FAM193A: variants seen among roughly 807,000 people sequenced by gnomAD.
The protein encoded by FAM193A is family with sequence similarity 193 member A, also known as protein FAM193A.
Under a neutral mutation model 126.5 loss-of-function variants are expected in FAM193A, and 22 were observed. The ratio of observed to expected loss-of-function variants is 0.17; its 90% CI spans 0.12 to 0.25. The LOEUF (loss-of-function observed/expected upper bound fraction) is 0.25. Among genes scored for constraint, FAM193A ranks in the 10% least tolerant of loss-of-function variants. FAM193A has a pLI of 1.00. For missense variants in FAM193A, 1,675 were observed against 1,672.8 expected (o/e 1.00, Z -0.02); for synonymous variants, 761 against 646.8 (o/e 1.18, Z -2.68).
At position 2,646,940 on chromosome 4, in the gene FAM193A, G is replaced by A. The variant is rs1432116540; in HGVS notation, c.1311+108G>A. The A allele has an allele frequency of 3.4e-5, 42 of 1,245,290 alleles. 1 individual carries two copies. In the South Asian group the frequency reaches 4.9e-4, roughly 15 times the overall value. 77.1% of individuals were successfully genotyped at this position (1,245,290 alleles called of 1,614,324 possible). On this transcript the variant is annotated intron_variant, in intron 7 of 20. Coordinates refer to ENST00000637812, the MANE Select transcript of FAM193A (RefSeq NM_001366318.2). ...CCTGAGCTGCAAGCCAGGAATTCCCGACTGAGGCCCAGAGGCGCATGTGGG... is the reference window on the plus strand; with the variant it reads ...CCTGAGCTGCAAGCCAGGAATTCCCAACTGAGGCCCAGAGGCGCATGTGGG...
At chr4:2,539,614 C>T (rs906526006) in intron 1 of FAM193A, among the ~76,000 whole-genome samples, 1 of 151,820 alleles carries the variant, frequency 6.6e-6, no homozygotes, top group East Asian at 1.9e-4. Flanking sequence ...ACTATGTTAC[C>T]CAGGCTTGTC....
intron 6 of FAM193A, among the ~76,000 whole-genome samples, chr4:2,642,150 A>AAAG (rs1281616647): frequency 3.4e-5 from 5 of 149,242 alleles, no homozygotes; most frequent in African/African-American, 1.3e-4. Flanking sequence ...AAAAAAAAAA[A>AAAG]AAAATTAGCT....
intron 1 of FAM193A, among the ~76,000 whole-genome samples, chr4:2,548,174 T>C (rs1179110555): frequency 2.7e-5 from 4 of 148,908 alleles, no homozygotes; most frequent in African/African-American, 9.9e-5. Context: ...TGGGTTCAAG[T>C]GATTCTCCTG....
Position 2,693,598 on chromosome 4 carries a change from A to G in FAM193A, c.2816A>G (p.His939Arg), listed in dbSNP as rs772794363. The G allele has an allele frequency of 1.2e-6, 2 of 1,610,210 alleles. No individual in the cohort carries two copies. The highest frequency in any genetic ancestry group is 1.3e-5 in the African/African-American group (1 of 74,972). ...KRPPSVGDVF[H>R]GISKEDHRHS... ...TCTCTAAATGCAGGTGACGTGTTTC[A>G]TGGCATCAGCAAGGAGGACCACAGA... is the stretch of plus-strand genomic sequence containing the variant. The change falls in exon 16 of 21, where the codon CAT becomes CGT. Residue 939 changes from histidine to arginine, a missense_variant. Transcript: ENST00000637812.
At chr4:2,630,249 G>T (rs1743425133) in intron 4 of FAM193A, among the ~76,000 whole-genome samples, 1 of 150,728 alleles carries the variant, frequency 6.6e-6, no homozygotes, top group Non-Finnish European at 1.5e-5. Context: ...TAGTCATGTT[G>T]CATGTATTTT....
chr4:2,546,362 C>T (rs1269442366), intron 1 of FAM193A, among the ~76,000 whole-genome samples: 3 of 152,140 alleles, frequency 2.0e-5, no homozygotes, highest in Non-Finnish European at 4.4e-5. Context: ...TCTACTACCA[C>T]AATCAGGATA....
Position 2,558,208 on chromosome 4 carries a change from G to A in FAM193A, c.255+21038G>A, listed in dbSNP as rs557996334. Among the ~76,000 whole-genome samples the A allele has an allele frequency of 3.3e-5, 5 of 151,772 alleles. No individual in the cohort carries two copies. In the East Asian group the frequency reaches 7.7e-4, roughly 24 times the overall value. ...AATCGCTTGAACCGGGGAGGAGGTTGCAGTGAGCCTAGATCGTGCTACTGT... is the reference window on the plus strand; with the variant it reads ...AATCGCTTGAACCGGGGAGGAGGTTACAGTGAGCCTAGATCGTGCTACTGT... On this transcript the variant is annotated intron_variant, in intron 1 of 20. Transcript: ENST00000637812.
chr4:2,719,882 C>G (rs1334653565), intron 20 of FAM193A: 1 of 190,826 alleles, frequency 5.2e-6, no homozygotes, highest in African/African-American at 2.4e-5. Context: ...CTTGACCTCC[C>G]CAGGGTCAAG....
rs898240296 is a variant in FAM193A, at chr4:2,609,155, G to T, written c.501+12826G>T. Among the ~76,000 whole-genome samples the T allele has an allele frequency of 4.7e-4, 72 of 152,042 alleles. 1 individual carries two copies. The highest frequency in any genetic ancestry group is 2.6e-4 in the Admixed American group (4 of 15,246). The stretch of plus-strand genomic sequence containing the variant: ...GATCCACCCGCCTCGGCCTTCCAAA[G>T]TGCTGGGATTACAGATCTGAGCCAC... On this transcript the variant is annotated intron_variant, in intron 2 of 20. Transcript: ENST00000637812.
Position 2,713,913 on chromosome 4 carries a change from G to C in FAM193A, c.4373-2110G>C, listed in dbSNP as rs376694593. ...CAACTGATTTCTCCTGTTTAATATA[G>C]TGTGGTTGTTGTAAAAAAATTTTTT... On this transcript the variant is annotated intron_variant, in intron 19 of 20. Transcript: ENST00000637812. 2.0e-5 allele frequency among the ~76,000 whole-genome samples: 3 copies of C among 152,202 alleles called. No individual in the cohort carries two copies. In the East Asian group the frequency reaches 5.8e-4, roughly 29 times the overall value.
chr4:2,593,201 C>G (rs1338998139), intron 1 of FAM193A, among the ~76,000 whole-genome samples: 1 of 152,158 alleles, frequency 6.6e-6, no homozygotes, highest in East Asian at 1.9e-4. Flanking sequence ...CAGCCTTATC[C>G]ACTTCCCTTC....
intron 1 of FAM193A, among the ~76,000 whole-genome samples, chr4:2,585,905 G>C (rs1428134292): frequency 6.6e-6 from 1 of 152,038 alleles, no homozygotes; most frequent in Non-Finnish European, 1.5e-5. Flanking sequence ...CACCAGCCTG[G>C]GTGGCAGAGT....
intron 6 of FAM193A, among the ~76,000 whole-genome samples, chr4:2,645,970 T>C (rs1176144307): frequency 1.3e-5 from 2 of 152,186 alleles, no homozygotes; most frequent in Admixed American, 1.3e-4. Context: ...TCTGAGCCAG[T>C]TGTATTTTCA....
At chr4:2,674,076 G>A (rs144589540) in intron 13 of FAM193A, among the ~76,000 whole-genome samples, 51 of 152,264 alleles carry the variant, frequency 3.3e-4, no homozygotes, top group African/African-American at 1.1e-3. Flanking sequence ...ATAACTAAAC[G>A]TTATTTCTAC....
chr4:2,555,927 G>C (rs1252516639), intron 1 of FAM193A, among the ~76,000 whole-genome samples: 1 of 147,606 alleles, frequency 6.8e-6, no homozygotes, highest in Non-Finnish European at 1.5e-5. Context: ...TTTTTGAGAT[G>C]GAATTTTGCT....
chr4:2,649,857 A>C (rs1356612584), intron 7 of FAM193A, among the ~76,000 whole-genome samples: 1 of 152,222 alleles, frequency 6.6e-6, no homozygotes, highest in African/African-American at 2.4e-5. Flanking sequence ...CCGGTGAGCC[A>C]GTGAAGCCTG....
At chr4:2,690,593 C>G in intron 14 of FAM193A, 105 bp from the exon 15 acceptor site, 2 of 1,066,538 alleles carry the variant, frequency 1.9e-6, no homozygotes, top group Non-Finnish European at 2.7e-6. Flanking sequence ...ATCCTGACTT[C>G]AGTAGCACCC....
At chr4:2,725,450 C>CAA (rs71644355) in intron 20 of FAM193A, among the ~76,000 whole-genome samples, 3,154 of 31,720 alleles carry the variant, frequency 0.099, 393 homozygotes, top group African/African-American at 0.19. Context: ...ACCCTGTCTC[C>CAA]AAAAAAAAAA....
At chr4:2,724,035 T>C (rs1720460550) in intron 20 of FAM193A, among the ~76,000 whole-genome samples, 1 of 152,156 alleles carries the variant, frequency 6.6e-6, no homozygotes, top group African/African-American at 2.4e-5. Flanking sequence ...ATGTCTTTTT[T>C]TTTTTTTTCA....
Sources: allele counts gnomAD v4.1 joint callset (sites outside exome capture counted in the v4.1 genomes callset), GRCh38; gene constraint gnomAD v4.1.1; transcripts MANE v1.5; gene names NCBI Gene and HGNC (gene_info 2026-07-23, HGNC 2026-07-21).